The following RASA3 variants were observed in gnomAD, a reference collection of about 807,000 sequenced individuals.
RASA3 encodes ras GTPase-activating protein 3.
In RASA3, 73 loss-of-function variants were observed where a neutral mutation model predicts 110.0. The ratio of observed to expected loss-of-function variants is 0.66; its 90% confidence interval spans 0.55 to 0.81. The LOEUF (loss-of-function observed/expected upper bound fraction) is 0.81. Among genes scored for constraint, RASA3 ranks in the 30% least tolerant of loss-of-function variants. The probability of loss-of-function intolerance (pLI) is 0.00; values close to 1 mark genes in which losing one functional copy is unlikely to be tolerated. For synonymous variants in RASA3, 500 were observed against 451.4 expected (o/e 1.11, Z -1.37); for missense variants, 976 against 1,113.2 (o/e 0.88, Z 1.75).
rs2079273613 is a variant in RASA3, at chr13:114,057,984, G to C, written c.174-5829C>G. Among the ~76,000 whole-genome samples, 1 of 152,158 alleles carries C rather than the reference G, an allele frequency of 6.6e-6. No homozygotes were observed. The highest frequency in any genetic ancestry group is 2.1e-4 in the South Asian group (1 of 4,824). The stretch of plus-strand genomic sequence containing the variant: ...GGCCCTGGGAGGTCGGAGTCCCGGA[G>C]GTGGGTGGGGGTGGTGAGTTCCCAG... On this transcript the variant is annotated intron_variant, in intron 2 of 23. Transcript: ENST00000334062. The surrounding 1 kb of genome is among the most constrained non-coding windows in gnomAD (Gnocchi z 5.0).
chr13:114,043,206 T>C (rs1345448647), intron 3 of RASA3, among the ~76,000 whole-genome samples: 3 of 152,072 alleles, frequency 2.0e-5, no homozygotes, highest in Non-Finnish European at 2.9e-5. Flanking sequence ...GTCGGCCACA[T>C]GATGGAGCAC....
chr13:114,120,093 C>T (rs2080353242), intron 1 of RASA3, among the ~76,000 whole-genome samples: 1 of 117,890 alleles, frequency 8.5e-6, no homozygotes. Flanking sequence ...TCTCTCCAGC[C>T]AGGCGTCGAT....
rs549160268 is a variant in RASA3, at chr13:114,022,590, G to T, written c.681-1082C>A. On this transcript the variant is annotated intron_variant, in intron 8 of 23. Coordinates refer to ENST00000334062, the MANE Select transcript of RASA3 (RefSeq NM_007368.4). ...TCCTGCAGGGAAGTGGCACCACAGAGGCACTGGCATCTGGGCCGGGGAGGG... is the reference window on the plus strand; with the variant it reads ...TCCTGCAGGGAAGTGGCACCACAGATGCACTGGCATCTGGGCCGGGGAGGG... Among the ~76,000 whole-genome samples, 431 of 152,342 alleles carry T rather than the reference G, an allele frequency of 2.8e-3. 2 individuals carry two copies. Among genetic ancestry groups the T allele is most frequent in the Non-Finnish European group, 4.4e-3 (300 of 68,034 alleles).
intron 18 of RASA3, among the ~76,000 whole-genome samples, chr13:114,002,615 C>T (rs1365766782): frequency 1.3e-5 from 2 of 152,140 alleles, no homozygotes; most frequent in South Asian, 2.1e-4. Context: ...TAAATGTTTT[C>T]GGCTTTAGGA....
chr13:113,992,327 A>G (rs553136702), intron 22 of RASA3, among the ~76,000 whole-genome samples, 158 bp downstream of exon 22: 1 of 152,370 alleles, frequency 6.6e-6, no homozygotes, highest in South Asian at 2.1e-4. Context: ...CCCTGCAAAA[A>G]GCTTTTCGCA....
intron 4 of RASA3, among the ~76,000 whole-genome samples, chr13:114,030,494 A>ACGGGGGCTT: frequency 9.4e-6 from 1 of 106,542 alleles, no homozygotes; most frequent in African/African-American, 3.1e-5. Context: ...GGCAAGACTC[A>ACGGGGGCTT]CACAGAGGGC....
chr13:113,981,939 C>T lies in RASA3; in HGVS notation c.2246-81G>A, dbSNP rs2052946430. 13 of 1,359,688 alleles carry T rather than the reference C, an allele frequency of 9.6e-6. No homozygotes were observed. In the South Asian group the frequency reaches 1.5e-4, roughly 16 times the overall value. 84.2% of individuals were successfully genotyped at this position (1,359,688 alleles called of 1,614,324 possible). On this transcript the variant is annotated intron_variant, in intron 22 of 23. Transcript: ENST00000334062. ...TCCACACAGCTGCGTCGCTGCAGGC[C>T]CCACCCACAGTACACATCCTTCCAA... is the stretch of plus-strand genomic sequence containing the variant.
chr13:114,012,254 A>T (rs1488409957), intron 15 of RASA3, among the ~76,000 whole-genome samples: 2 of 151,892 alleles, frequency 1.3e-5, no homozygotes, highest in Admixed American at 1.3e-4. Flanking sequence ...ACACAGCTTA[A>T]ATAGGTCGGT....
At position 114,011,286 on chromosome 13, in the gene RASA3, C is replaced by G. The variant is rs1338524310; in HGVS notation, c.1513-38G>C. On this transcript the variant is annotated intron_variant, in intron 15 of 23. Transcript: ENST00000334062. The surrounding 1 kb of genome is among the most constrained non-coding windows in gnomAD (Gnocchi z 4.8). ...GAGCAAGAAAGGTCTATGTCAGCAT[C>G]ACAGAAATGCTGTGACTGTCCCAGA... 2.6e-6 allele frequency: 4 copies of G among 1,527,564 alleles called. No homozygotes were observed. The Admixed American group carries it at 5.2e-5, about 20-fold the overall frequency. 94.6% of individuals were successfully genotyped at this position (1,527,564 alleles called of 1,614,324 possible).
intron 2 of RASA3, 37 bp from the exon 3 acceptor site, chr13:114,052,192 GC>G: frequency 7.0e-7 from 1 of 1,438,066 alleles, no homozygotes; most frequent in Non-Finnish European, 9.7e-7. Context: ...TAGAACACAG[GC>G]CACGCTTGCG....
chr13:114,018,006 C>T (rs1268295054), intron 11 of RASA3, 98 bp downstream of exon 11: 28 of 1,342,954 alleles, frequency 2.1e-5, no homozygotes, highest in Non-Finnish European at 2.6e-5. Context: ...CTTGAATTCC[C>T]TCAAGCCCTG....
At chr13:114,100,504 C>T (rs1045586752) in intron 1 of RASA3, among the ~76,000 whole-genome samples, 7 of 152,240 alleles carry the variant, frequency 4.6e-5, no homozygotes, top group Non-Finnish European at 8.8e-5. Flanking sequence ...CAGGGACCCC[C>T]GTCTGGGCCC....
intron 2 of RASA3, among the ~76,000 whole-genome samples, chr13:114,052,500 G>C (rs1043236485): frequency 6.6e-6 from 1 of 152,196 alleles, no homozygotes; most frequent in African/African-American, 2.4e-5. Context: ...TGTTTCGAAG[G>C]TACCTGGTTT....
Position 114,019,009 on chromosome 13 carries a change from G to T in RASA3, c.786-90C>A. The T allele has an allele frequency of 6.7e-6, 10 of 1,502,486 alleles. 1 individual carries two copies. In the South Asian group the frequency reaches 1.2e-4, roughly 18 times the overall value. 93.1% of individuals were successfully genotyped at this position (1,502,486 alleles called of 1,614,324 possible). ...GAAGCCCAGCTGCCTGCTTGAGGTC[G>T]ACTGGTCAGGAGGGTGATCCTGTAG... On this transcript the variant is annotated intron_variant, in intron 9 of 23. Coordinates refer to ENST00000334062, the MANE Select transcript of RASA3 (RefSeq NM_007368.4).
At chr13:114,022,679 T>G (rs1169326176) in intron 8 of RASA3, among the ~76,000 whole-genome samples, 1 of 152,228 alleles carries the variant, frequency 6.6e-6, no homozygotes. Context: ...GGACCGCTGA[T>G]CTGCCCATGG....
At chr13:114,061,465 T>C (rs61973905) in intron 2 of RASA3, among the ~76,000 whole-genome samples, 20,466 of 151,350 alleles carry the variant, frequency 0.14, 1,769 homozygotes, top group Middle Eastern at 0.21. Flanking sequence ...GGTCAAGAGA[T>C]TGAGAGCATC....
chr13:114,089,801 G>A (rs1217344391), intron 1 of RASA3, among the ~76,000 whole-genome samples: 1 of 151,166 alleles, frequency 6.6e-6, no homozygotes, highest in African/African-American at 2.4e-5. Context: ...CCCCCTGAAC[G>A]AAACCCACCC....
chr13:114,034,676 C>T (rs1427496180), intron 4 of RASA3, among the ~76,000 whole-genome samples: 5 of 152,208 alleles, frequency 3.3e-5, no homozygotes, highest in Admixed American at 3.3e-4. Context: ...CAGGTGCTGG[C>T]GCAGGCTGGA....
At chr13:114,015,631 G>A (rs1419022476) in intron 13 of RASA3, among the ~76,000 whole-genome samples, 3 of 152,268 alleles carry the variant, frequency 2.0e-5, no homozygotes, top group Non-Finnish European at 4.4e-5. Context: ...AAAGAGCTCT[G>A]TCATTTACAT....
Sources: gnomAD v4.1 joint callset for allele counts (sites outside exome capture counted in the v4.1 genomes callset) on GRCh38, gnomAD v4.1.1 for gene constraint, Gnocchi (gnomAD v3.1) non-coding constraint, MANE v1.5 for transcripts, NCBI Gene and HGNC (gene_info 2026-07-23, HGNC 2026-07-21) for gene names.